The following NLGN1 variants were observed in gnomAD, a reference collection of about 807,000 sequenced individuals.
NLGN1 encodes the protein neuroligin-1.
NLGN1 carries 12 observed loss-of-function variants against 65.5 expected under a neutral mutation model. The ratio of observed to expected loss-of-function variants is 0.18; its 90% CI spans 0.12 to 0.30. The LOEUF (loss-of-function observed/expected upper bound fraction) is 0.30. NLGN1 is among the 10% of genes least tolerant of loss of function. The pLI, the probability that NLGN1 is intolerant of heterozygous loss-of-function variation, is 1.00. For missense variants in NLGN1, 750 were observed against 1,007.1 expected (o/e 0.74, Z 3.46); for synonymous variants, 350 against 359.5 (o/e 0.97, Z 0.30).
At chr3:173,582,866 T>G (rs1475449105) in intron 2 of NLGN1, among the ~76,000 whole-genome samples, 1 of 152,182 alleles carries the variant, frequency 6.6e-6, no homozygotes, top group Non-Finnish European at 1.5e-5. Context: ...TATTTCCCTC[T>G]AAATGTTGTA....
chr3:174,089,937 G>T (rs1744179450), intron 4 of NLGN1, among the ~76,000 whole-genome samples: 1 of 151,476 alleles, frequency 6.6e-6, no homozygotes. Context: ...GCAGACGTAG[G>T]TTTTAGTGGT....
intron 4 of NLGN1, among the ~76,000 whole-genome samples, chr3:174,250,643 G>A (rs1744596545): frequency 6.6e-6 from 1 of 152,124 alleles, no homozygotes; most frequent in African/African-American, 2.4e-5. Context: ...GAAAAAAGAA[G>A]GGAGAAGGAG....
intron 4 of NLGN1, among the ~76,000 whole-genome samples, chr3:173,840,798 C>T (rs902287602): frequency 6.6e-5 from 10 of 152,282 alleles, no homozygotes; most frequent in African/African-American, 2.4e-4. Flanking sequence ...TTATCTACCA[C>T]TATTTTCTTA....
intron 2 of NLGN1, among the ~76,000 whole-genome samples, chr3:173,550,761 G>A (rs1740712677): frequency 1.3e-5 from 2 of 151,788 alleles, no homozygotes; most frequent in South Asian, 4.2e-4. Context: ...GGCGTTAATG[G>A]TACACTAGTG....
chr3:173,670,924 A>G (rs1353524753), intron 3 of NLGN1, among the ~76,000 whole-genome samples: 1 of 152,216 alleles, frequency 6.6e-6, no homozygotes, highest in Non-Finnish European at 1.5e-5. Flanking sequence ...AAAGCATTAA[A>G]TGTACTCAAA....
intron 4 of NLGN1, among the ~76,000 whole-genome samples, chr3:173,841,907 G>A (rs1158575753): frequency 6.6e-6 from 1 of 152,054 alleles, no homozygotes; most frequent in Non-Finnish European, 1.5e-5. Context: ...TATCTCAAAA[G>A]GTTAAGAAAT....
intron 4 of NLGN1, among the ~76,000 whole-genome samples, chr3:174,174,853 T>A (rs1398208145): frequency 1.3e-5 from 2 of 152,032 alleles, no homozygotes; most frequent in African/African-American, 4.8e-5. Context: ...TGTGTTTCCA[T>A]CATCATTTGT....
At chr3:173,512,935 A>G (rs186538232) in intron 2 of NLGN1, among the ~76,000 whole-genome samples, 115 of 152,340 alleles carry the variant, frequency 7.5e-4, no homozygotes, top group Middle Eastern at 3.4e-3. Flanking sequence ...AAGACGTGAA[A>G]AGAGGAAAAT....
At chr3:174,276,796 AG>A (rs1174360919) in intron 5 of NLGN1, among the ~76,000 whole-genome samples, 2 of 151,962 alleles carry the variant, frequency 1.3e-5, no homozygotes, top group African/African-American at 2.4e-5. Flanking sequence ...TCATCTGTAA[AG>A]AAATGGCTTC....
At chr3:174,160,415 T>A (rs898654880) in intron 4 of NLGN1, among the ~76,000 whole-genome samples, 1 of 151,706 alleles carries the variant, frequency 6.6e-6, no homozygotes, top group Non-Finnish European at 1.5e-5. Flanking sequence ...ACTTAAACTT[T>A]TTTTTCATTA....
At chr3:173,765,070 G>T (rs1307887417) in intron 3 of NLGN1, among the ~76,000 whole-genome samples, 1 of 149,516 alleles carries the variant, frequency 6.7e-6, no homozygotes, top group Admixed American at 6.7e-5. Context: ...GTGTGTGTGT[G>T]TGTGTGTGTG....
At chr3:174,035,246 A>C (rs1339288111) in intron 4 of NLGN1, among the ~76,000 whole-genome samples, 2 of 152,194 alleles carry the variant, frequency 1.3e-5, no homozygotes, top group African/African-American at 4.8e-5. Context: ...TTGTTAACTA[A>C]ATTACATTGC....
chr3:174,202,981 T>C (rs1345640064), intron 4 of NLGN1, among the ~76,000 whole-genome samples: 2 of 35,844 alleles, frequency 5.6e-5, no homozygotes, highest in Admixed American at 6.4e-4. Context: ...AAGCACTTTA[T>C]TTATTTATTT....
chr3:173,945,221 G>T (rs962807357), intron 4 of NLGN1, among the ~76,000 whole-genome samples: 1 of 151,884 alleles, frequency 6.6e-6, no homozygotes, highest in Non-Finnish European at 1.5e-5. Flanking sequence ...CCCTTTAGAG[G>T]GGGTGGTGGG....
At chr3:173,584,941 A>ACGG (rs1747096533) in intron 2 of NLGN1, 1 of 152,128 alleles carries the variant, frequency 6.6e-6, no homozygotes, top group Non-Finnish European at 1.5e-5. Flanking sequence ...CTTGAATTTG[A>ACGG]CGGCGAAGTG....
chr3:173,726,903 T>A (rs1305268244), intron 3 of NLGN1, among the ~76,000 whole-genome samples: 4 of 146,742 alleles, frequency 2.7e-5, no homozygotes, highest in Non-Finnish European at 5.9e-5. Context: ...GTTCTTTGCC[T>A]CAGAAGCAAC....
chr3:174,197,826 G>A (rs1337698910), intron 4 of NLGN1, among the ~76,000 whole-genome samples: 1 of 149,480 alleles, frequency 6.7e-6, no homozygotes, highest in Non-Finnish European at 1.5e-5. Flanking sequence ...ATCATATTTT[G>A]TTAAGATTTA....
chr3:173,692,068 C>T (rs147212142), intron 3 of NLGN1, among the ~76,000 whole-genome samples: 12 of 152,094 alleles, frequency 7.9e-5, no homozygotes, highest in East Asian at 5.8e-4. Flanking sequence ...TTATTTTTCA[C>T]GTAGCAGTTA....
In NLGN1 at chr3:174,234,657, A is replaced by AAAC. The variant is rs566119747; in HGVS notation, c.647-40655_647-40653dup. On this transcript the variant is annotated intron_variant, in intron 4 of 6. Transcript: ENST00000457714. ...CTGGCTGCAAGCAATTATTTTAGAGAAACAATGTAACAACTGCCTATCACC... is the reference window on the plus strand; with the variant it reads ...CTGGCTGCAAGCAATTATTTTAGAGAAACAACAATGTAACAACTGCCTATCACC... Among the ~76,000 whole-genome samples the AAAC allele has an allele frequency of 1.4e-4, 22 of 152,196 alleles. No individual in the cohort carries two copies. The East Asian group carries it at 4.3e-3, about 30-fold the overall frequency.
Sources: allele counts gnomAD v4.1 joint callset (sites outside exome capture counted in the v4.1 genomes callset), GRCh38; gene constraint gnomAD v4.1.1; transcripts MANE v1.5; gene names NCBI Gene and HGNC (gene_info 2026-07-23, HGNC 2026-07-21).